Variants in NBPF10 observed in about 807,000 individuals in gnomAD.
NBPF10 encodes the protein NBPF member 10.
In NBPF10, 63 loss-of-function variants were observed where a neutral mutation model predicts 77.9. The observed-to-expected ratio is 0.81, with a 90% CI of 0.66 to 1.00. The LOEUF is 1.00. Ranked by LOEUF, NBPF10 falls within the 50% of genes least tolerant of loss-of-function variation. The pLI, the probability that NBPF10 is intolerant of heterozygous loss-of-function variation, is 0.00. For synonymous variants in NBPF10, 146 were observed against 264.5 expected (o/e 0.55, Z 4.35); for missense variants, 522 against 679.8 (o/e 0.77, Z 2.58).
In NBPF10 at chr1:146,067,265, T is replaced by G. The variant is rs782615856; in HGVS notation, c.11059A>C (p.Lys3687Gln). 27 of 564,974 alleles carry G rather than the reference T, an allele frequency of 4.8e-5. 2 individuals are homozygous for G. Among genetic ancestry groups the G allele is most frequent in the South Asian group, 4.6e-4 (26 of 57,048 alleles). The allele number at this position is 564,974 out of a possible 1,614,324, so 35.0% of individuals were successfully genotyped here. The stretch of plus-strand genomic sequence containing the variant: ...TTTGATCTTCTTCCCCTTCTTTTTT[T>G]CCCCTTCCCCTTCTTTTCAATTTCT... Residue 3687 changes from lysine (K) to glutamine (Q), a missense_variant, in exon 89 of 90, where the codon AAA becomes CAA. By Grantham distance (53) the Lys-to-Gln change is moderately conservative. Coordinates refer to ENST00000583866, the Ensembl canonical transcript of NBPF10.
chr1:146,126,599 A>ACACACACC, intron 13 of NBPF10, among the ~76,000 whole-genome samples, 191 bp from the exon 14 acceptor site: 1 of 27,440 alleles, frequency 3.6e-5, no homozygotes, highest in Admixed American at 5.5e-4. Context: ...CGAGAAAGAC[A>ACACACACC]CACACACACA....
intron 35 of NBPF10, among the ~76,000 whole-genome samples, chr1:146,109,345 C>CAG (rs782284106): frequency 9.3e-4 from 59 of 63,524 alleles, no homozygotes; most frequent in Admixed American, 1.9e-3. Context: ...CACACACACA[C>CAG]AGAGAGAGAG....
intron 71 of NBPF10, among the ~76,000 whole-genome samples, 197 bp from the exon 72 acceptor site, chr1:146,080,974 G>C (rs1462256834): frequency 3.5e-3 from 159 of 45,674 alleles, no homozygotes; most frequent in Non-Finnish European, 5.4e-3. Context: ...AAGACAGATA[G>C]ACACACACAC....
chr1:146,067,786 G>A (rs587721110), intron 88 of NBPF10, among the ~76,000 whole-genome samples: 7 of 151,734 alleles, frequency 4.6e-5, no homozygotes, highest in Admixed American at 2.6e-4. Context: ...GGCGCCACAG[G>A]TATGGCCTGA....
intron 1 of NBPF10, among the ~76,000 whole-genome samples, chr1:146,143,644 G>A (rs10910790): frequency 0.25 from 29,474 of 118,054 alleles, 3,663 homozygotes; most frequent in Non-Finnish European, 0.34. Flanking sequence ...CACATTCTCC[G>A]GTGTGATCTT....
At chr1:146,067,803 G>A (rs1306785515) in intron 88 of NBPF10, among the ~76,000 whole-genome samples, 200 bp downstream of exon 88, 1 of 151,854 alleles carries the variant, frequency 6.6e-6, no homozygotes, top group Non-Finnish European at 1.5e-5. Context: ...CTGAGACTAG[G>A]AAGAGAGTCT....
At chr1:146,139,366 C>A (rs1178086616) in intron 5 of NBPF10, among the ~76,000 whole-genome samples, 1 of 151,988 alleles carries the variant, frequency 6.6e-6, no homozygotes, top group African/African-American at 2.4e-5. Flanking sequence ...GCCTCGGCCT[C>A]CCAAAGTGCT....
chr1:146,066,507 C>A (rs782174206), exon 90 of NBPF10: 2 of 689,688 alleles, frequency 2.9e-6, no homozygotes, highest in Admixed American at 3.6e-5. Context: ...AACATCTATC[C>A]AGTGAGTCCT....
chr1:146,142,332 G>T (rs1660389274), intron 2 of NBPF10, among the ~76,000 whole-genome samples: 2 of 129,416 alleles, frequency 1.5e-5, no homozygotes, highest in South Asian at 5.6e-4. Flanking sequence ...GGGTAAGTGG[G>T]GTGGCGATAG....
chr1:146,068,058 G>T (rs782720489), exon 88 of NBPF10: 2 of 547,970 alleles, frequency 3.6e-6, no homozygotes, highest in East Asian at 3.0e-5. Context: ...AAACAGCACT[G>T]CTGTAGGGCT....
At position 146,076,300 on chromosome 1, in the gene NBPF10, C is replaced by G. The variant is rs1220079364; in HGVS notation, c.9624-259G>C. Among the ~76,000 whole-genome samples, 29 of 9,266 alleles carry G rather than the reference C, an allele frequency of 3.1e-3. 1 individual carries two copies. The highest frequency in any genetic ancestry group is 5.0e-3 in the African/African-American group (23 of 4,576). 6.1% of individuals were successfully genotyped at this position (9,266 alleles called of 152,430 possible). The stretch of plus-strand genomic sequence containing the variant: ...ACACACACACACACACACACACACA[C>G]ACAGAGAGAGAGAGAGAACGAGCTC... On this transcript the variant is annotated intron_variant, in intron 77 of 89. Transcript: ENST00000583866.
chr1:146,126,295 T>A lies in NBPF10; in HGVS notation c.1967A>T (p.Tyr656Phe), dbSNP rs782528969. Residue 656 changes from tyrosine (Y) to phenylalanine (F), a missense_variant, in exon 14 of 90, where the codon TAC (tyrosine) becomes TTC (phenylalanine). Coordinates refer to ENST00000583866, the Ensembl canonical transcript of NBPF10. The stretch of plus-strand genomic sequence containing the variant: ...CTCCAATATGTAAAAGGCACTTCTG[T>A]AGGGCTGGCATGAGTCAGTCAGTTC... 2.5e-6 allele frequency: 4 copies of A among 1,599,414 alleles called. No homozygotes were observed. In the Admixed American group the frequency reaches 6.7e-5, roughly 27 times the overall value.
chr1:146,064,738 C>A (rs1448956047), exon 90 of NBPF10: 1 of 78,674 alleles, frequency 1.3e-5, no homozygotes, highest in Non-Finnish European at 2.5e-5. Flanking sequence ...CAGTACCCAC[C>A]AAAACCAATC....
intron 11 of NBPF10, among the ~76,000 whole-genome samples, chr1:146,128,701 T>G (rs1183263270): frequency 6.9e-6 from 1 of 144,808 alleles, no homozygotes; most frequent in Non-Finnish European, 1.5e-5. Context: ...TCCCAATATT[T>G]TGATATAATA....
In NBPF10 at chr1:146,141,736, G is replaced by A. The variant is rs587663535; in HGVS notation, c.361C>T (p.Arg121Cys). Reference sequence around the variant, plus strand: ...GCCTGGAGATGCTCATACAATGAGCGGGAGGCATCTCTCCCTTCCCGTAAC... The same window carrying A: ...GCCTGGAGATGCTCATACAATGAGCAGGAGGCATCTCTCCCTTCCCGTAAC... The change falls in exon 3 of 90, where the codon CGC becomes TGC. Residue 121 changes from arginine (R) to cysteine (C), a missense_variant. Arg to Cys is a radical substitution (Grantham distance 180). Around this residue, in one of 9 missense-constraint regions of NBPF10, gnomAD observed 71 missense variants for 114.9 expected, o/e 0.62. Coordinates refer to ENST00000583866, the Ensembl canonical transcript of NBPF10. 23 of 1,316,224 alleles carry A rather than the reference G, an allele frequency of 1.7e-5. 4 individuals carry two copies. Among genetic ancestry groups the A allele is most frequent in the Non-Finnish European group, 1.9e-5 (18 of 950,448 alleles). The allele number at this position is 1,316,224 out of a possible 1,614,324, so 81.5% of individuals were successfully genotyped here. A position where few individuals can be genotyped will look rare whatever the true frequency, so the allele number is the denominator to read the frequency against.
intron 11 of NBPF10, among the ~76,000 whole-genome samples, chr1:146,128,941 G>A (rs1659019167): frequency 1.3e-5 from 2 of 151,120 alleles, no homozygotes; most frequent in Non-Finnish European, 2.9e-5. Context: ...GAAAGGAATA[G>A]CATCAACATC....
intron 5 of NBPF10, among the ~76,000 whole-genome samples, chr1:146,138,913 C>T (rs1400346551): frequency 7.4e-4 from 95 of 128,994 alleles, no homozygotes; most frequent in Admixed American, 1.3e-3. Context: ...GCCTGCCAAG[C>T]ATCTGGGATT....
chr1:146,081,030 CAGAGAG>C (rs1174335533), intron 71 of NBPF10, among the ~76,000 whole-genome samples: 244 of 35,322 alleles, frequency 6.9e-3, no homozygotes, highest in Middle Eastern at 0.038. Flanking sequence ...CACACACACA[CAGAGAG>C]AGAGAGAGAG....
chr1:146,125,088 A>C lies in NBPF10; in HGVS notation c.2079-228T>G, dbSNP rs1437694421. On this transcript the variant is annotated intron_variant, in intron 15 of 89. Transcript: ENST00000583866. ...AGAGAGAGAGAGAGAGAGAGGAGAA[A>C]GTGAGCTCAGCGAGTTGGCCGGGTG... Among the ~76,000 whole-genome samples the C allele has an allele frequency of 2.9e-5, 2 of 69,172 alleles. 1 individual carries two copies. Among genetic ancestry groups the C allele is most frequent in the Non-Finnish European group, 5.5e-5 (2 of 36,524 alleles). 45.4% of individuals were successfully genotyped at this position (69,172 alleles called of 152,430 possible).
Sources: gnomAD v4.1 joint callset for allele counts (sites outside exome capture counted in the v4.1 genomes callset) on GRCh38, gnomAD v4.1.1 for gene constraint, gnomAD v4.1.1 regional missense constraint, MANE v1.5 for transcripts, NCBI Gene and HGNC (gene_info 2026-07-23, HGNC 2026-07-21) for gene names.